LRRC1: variants seen among roughly 807,000 people sequenced by gnomAD.
LRRC1 encodes the protein leucine rich repeat containing 1, also known as leucine-rich repeat-containing protein 1.
In LRRC1, 28 loss-of-function variants were observed where a neutral mutation model predicts 69.9. The ratio of observed to expected loss-of-function variants is 0.40; its 90% confidence interval spans 0.30 to 0.55. The LOEUF is 0.55. Among genes scored for constraint, LRRC1 ranks in the 20% least tolerant of loss-of-function variants. LRRC1 has a pLI of 0.47. For missense variants in LRRC1, 498 were observed against 609.0 expected (o/e 0.82, Z 1.92); for synonymous variants, 236 against 240.2 (o/e 0.98, Z 0.16).
intron 4 of LRRC1, among the ~76,000 whole-genome samples, chr6:53,895,305 G>T (rs1337937449): frequency 6.6e-6 from 1 of 152,224 alleles, no homozygotes; most frequent in Non-Finnish European, 1.5e-5. Flanking sequence ...TGGAGAAGGA[G>T]ATGCAGGATT....
At chr6:53,841,439 A>G (rs4397225) in intron 1 of LRRC1, among the ~76,000 whole-genome samples, 28,411 of 152,038 alleles carry the variant, frequency 0.19, 2,915 homozygotes, top group Middle Eastern at 0.33. Context: ...TTGCATATCT[A>G]GTTCGCTTTT....
intron 2 of LRRC1, among the ~76,000 whole-genome samples, chr6:53,857,342 T>C (rs1247907144): frequency 6.6e-6 from 1 of 152,028 alleles, no homozygotes; most frequent in Non-Finnish European, 1.5e-5. Flanking sequence ...TGGGGACTGG[T>C]AGTGTGGGAG....
At chr6:53,902,875 T>G in intron 9 of LRRC1, 128 bp downstream of exon 9, 1 of 617,788 alleles carries the variant, frequency 1.6e-6, no homozygotes, top group Non-Finnish European at 2.8e-6. Context: ...AGCAAATGCA[T>G]GACCTAAAGA....
chr6:53,894,689 TG>T (rs1767809767), intron 4 of LRRC1, among the ~76,000 whole-genome samples: 1 of 152,216 alleles, frequency 6.6e-6, no homozygotes, highest in East Asian at 1.9e-4. Context: ...CAAAGCCCTT[TG>T]TTTTTAAATT....
At chr6:53,896,364 A>G (rs766830421) in intron 4 of LRRC1, 134 bp from the exon 5 acceptor site, 5 of 712,640 alleles carry the variant, frequency 7.0e-6, no homozygotes, top group Non-Finnish European at 1.2e-5. Context: ...GATGATAGGT[A>G]TTTTTACCCT....
chr6:53,841,250 A>G (rs952520670), intron 1 of LRRC1, among the ~76,000 whole-genome samples: 8 of 152,190 alleles, frequency 5.3e-5, no homozygotes, highest in Non-Finnish European at 1.2e-4. Context: ...AGGGTAGAGA[A>G]GAGAATATGG....
intron 1 of LRRC1, among the ~76,000 whole-genome samples, chr6:53,832,210 G>C (rs1011944924): frequency 6.6e-6 from 1 of 152,040 alleles, no homozygotes; most frequent in African/African-American, 2.4e-5. Flanking sequence ...GATGACAAGA[G>C]CCATTTGTTA....
chr6:53,811,514 C>T (rs1764792871), intron 1 of LRRC1, among the ~76,000 whole-genome samples: 1 of 152,186 alleles, frequency 6.6e-6, no homozygotes, highest in Non-Finnish European at 1.5e-5. Context: ...GGAGCTTTCT[C>T]TCAAAAGAGA....
intron 2 of LRRC1, among the ~76,000 whole-genome samples, chr6:53,874,755 T>C (rs1767010265): frequency 6.6e-6 from 1 of 152,194 alleles, no homozygotes; most frequent in South Asian, 2.1e-4. Context: ...GAAATCTTTC[T>C]ATTTTAGCCA....
intron 2 of LRRC1, among the ~76,000 whole-genome samples, chr6:53,851,153 C>T (rs1453782757): frequency 6.8e-6 from 1 of 147,514 alleles, no homozygotes; most frequent in Non-Finnish European, 1.5e-5. Context: ...TAGATGTCTC[C>T]AGGGAAACAG....
At chr6:53,805,349 A>G (rs553776193) in intron 1 of LRRC1, among the ~76,000 whole-genome samples, 11 of 152,250 alleles carry the variant, frequency 7.2e-5, no homozygotes, top group African/African-American at 2.6e-4. Flanking sequence ...TGTTTGGAGC[A>G]TAGATTCTTA....
intron 7 of LRRC1, 89 bp from the exon 8 acceptor site, chr6:53,899,658 G>C (rs532214306): frequency 1.5e-6 from 2 of 1,323,846 alleles, no homozygotes; most frequent in South Asian, 2.8e-5. Context: ...GACCGCCCTG[G>C]GATTTAATTG....
chr6:53,816,515 A>G (rs1452005476), intron 1 of LRRC1, among the ~76,000 whole-genome samples: 2 of 152,208 alleles, frequency 1.3e-5, no homozygotes, highest in Non-Finnish European at 2.9e-5. Flanking sequence ...CTAAGTGCCA[A>G]GTGACTATAG....
At chr6:53,849,288 C>G (rs989318729) in intron 2 of LRRC1, among the ~76,000 whole-genome samples, 1 of 152,132 alleles carries the variant, frequency 6.6e-6, no homozygotes, top group African/African-American at 2.4e-5. Context: ...CTTGACTTTT[C>G]TAAAACAATG....
At chr6:53,920,858 T>C in intron 13 of LRRC1, 97 bp downstream of exon 13, 1 of 1,386,436 alleles carries the variant, frequency 7.2e-7, no homozygotes, top group Non-Finnish European at 1.0e-6. Context: ...ATTAGTATGT[T>C]CTCTGCTTTG....
At chr6:53,835,302 TTATATTGTGTGC>T (rs1273829164) in intron 1 of LRRC1, among the ~76,000 whole-genome samples, 3 of 152,214 alleles carry the variant, frequency 2.0e-5, no homozygotes, top group Non-Finnish European at 4.4e-5. Flanking sequence ...ATGCTTAATG[TTATATTGTGTGC>T]TAACAGGATT....
intron 1 of LRRC1, among the ~76,000 whole-genome samples, chr6:53,796,894 G>A (rs1764319411): frequency 6.6e-6 from 1 of 152,128 alleles, no homozygotes; most frequent in Non-Finnish European, 1.5e-5. Context: ...ACTGCTTTAA[G>A]TTGTGTAATT....
At chr6:53,836,644 T>G (rs1420632586) in intron 1 of LRRC1, among the ~76,000 whole-genome samples, 2 of 152,358 alleles carry the variant, frequency 1.3e-5, no homozygotes, top group East Asian at 3.9e-4. Flanking sequence ...TTAAAAAGTT[T>G]TTTTTATTGT....
At chr6:53,860,600 A>G (rs980600435) in intron 2 of LRRC1, among the ~76,000 whole-genome samples, 1 of 152,082 alleles carries the variant, frequency 6.6e-6, no homozygotes, top group African/African-American at 2.4e-5. Context: ...TTTAAGATCA[A>G]TTTTATTTCA....
Sources: gnomAD v4.1 joint callset for allele counts (sites outside exome capture counted in the v4.1 genomes callset) on GRCh38, gnomAD v4.1.1 for gene constraint, MANE v1.5 for transcripts, NCBI Gene and HGNC (gene_info 2026-07-23, HGNC 2026-07-21) for gene names.